The following TADA1 variants were observed in gnomAD, a reference collection of about 807,000 sequenced individuals.
The protein encoded by TADA1 is transcriptional adaptor 1, also known as transcriptional adapter 1.
Under a neutral mutation model 39.3 loss-of-function variants are expected in TADA1, and 23 were observed. That is an observed-to-expected ratio of 0.58 (90% CI 0.42 to 0.83). The LOEUF (loss-of-function observed/expected upper bound fraction) is 0.83. Ranked by LOEUF, TADA1 falls within the 40% of genes least tolerant of loss-of-function variation. The pLI is 0.00. For synonymous variants in TADA1, 137 were observed against 151.8 expected (o/e 0.90, Z 0.72); for missense variants, 352 against 408.1 (o/e 0.86, Z 1.18).
chr1:166,861,326 G>A lies in TADA1; in HGVS notation c.540+877C>T, dbSNP rs59945172. Among the ~76,000 whole-genome samples, 988 of 152,224 alleles carry A rather than the reference G, an allele frequency of 6.5e-3. 14 individuals carry two copies. Among genetic ancestry groups the A allele is most frequent in the African/African-American group, 0.022 (909 of 41,526 alleles). ...TTGTACTATTTAAATTGGTTTGCAC[G>A]CAGAATTCATTTAATGTTTATAACT... On this transcript the variant is annotated intron_variant, in intron 5 of 7. Coordinates refer to ENST00000367874, the MANE Select transcript of TADA1 (RefSeq NM_053053.4).
At chr1:166,869,711 A>C in intron 2 of TADA1, 52 bp downstream of exon 2, 1 of 1,570,476 alleles carries the variant, frequency 6.4e-7, no homozygotes, top group South Asian at 1.1e-5. Context: ...CTTTACTACA[A>C]ATCTAGGAAA....
chr1:166,860,527 A>G (rs1658381890), intron 5 of TADA1, among the ~76,000 whole-genome samples, 190 bp from the exon 6 acceptor site: 1 of 152,238 alleles, frequency 6.6e-6, no homozygotes, highest in African/African-American at 2.4e-5. Flanking sequence ...GGTATGGGAA[A>G]GAGGGGGACA....
At chr1:166,876,072 A>T in intron 1 of TADA1, 88 bp downstream of exon 1, 1 of 1,314,970 alleles carries the variant, frequency 7.6e-7, no homozygotes, top group Non-Finnish European at 1.0e-6. Context: ...CCCCCGGGCG[A>T]CGCGGGCGTC....
Position 166,857,498 on chromosome 1 carries a change from G to T in TADA1, c.*69C>A. 1 of 1,571,218 alleles carries T rather than the reference G, an allele frequency of 6.4e-7. No homozygotes were observed. Among genetic ancestry groups the T allele is most frequent in the South Asian group, 1.2e-5 (1 of 86,910 alleles). ...CTATACACTTCAGCCTTGAAATGTG[G>T]ACCCAAAAAACATTCAATTTTCAGT... On this transcript the variant is annotated 3_prime_UTR_variant, in exon 8 of 8. Coordinates refer to ENST00000367874, the MANE Select transcript of TADA1 (RefSeq NM_053053.4).
At chr1:166,868,946 T>A (rs1658596521) in intron 3 of TADA1, 1 of 197,944 alleles carries the variant, frequency 5.1e-6, no homozygotes, top group African/African-American at 2.4e-5. Flanking sequence ...TCCTTCCTTC[T>A]GGGTGTTAGA....
intron 3 of TADA1, among the ~76,000 whole-genome samples, chr1:166,865,262 C>T (rs553879064): frequency 6.6e-6 from 1 of 152,154 alleles, no homozygotes; most frequent in East Asian, 1.9e-4. Flanking sequence ...TTCAGGAAAT[C>T]TCAAACACAG....
intron 4 of TADA1, 175 bp from the exon 5 acceptor site, chr1:166,862,587 A>T: frequency 3.3e-6 from 2 of 611,314 alleles, no homozygotes; most frequent in Non-Finnish European, 5.8e-6. Context: ...CACATCCAAT[A>T]CAAGGTAATA....
chr1:166,875,691 G>A lies in TADA1; in HGVS notation c.74+469C>T, dbSNP rs1182352433. 3.3e-5 allele frequency among the ~76,000 whole-genome samples: 5 copies of A among 152,382 alleles called. No individual in the cohort carries two copies. In the South Asian group the frequency reaches 8.3e-4, roughly 25 times the overall value. The stretch of plus-strand genomic sequence containing the variant: ...GCCTTACGAAATTGCTGTCAAAAGA[G>A]CTTACCAATAATCCGTAGCAGATCA... On this transcript the variant is annotated intron_variant, in intron 1 of 7. Coordinates refer to ENST00000367874, the MANE Select transcript of TADA1 (RefSeq NM_053053.4).
intron 6 of TADA1, 107 bp downstream of exon 6, chr1:166,860,079 G>T: frequency 9.1e-7 from 1 of 1,098,698 alleles, no homozygotes; most frequent in East Asian, 2.6e-5. Context: ...TCCTATTAAA[G>T]GTACTTAAAC....
At chr1:166,869,275 TTAA>T in intron 3 of TADA1, 167 bp downstream of exon 3, 1 of 535,720 alleles carries the variant, frequency 1.9e-6, no homozygotes, top group Non-Finnish European at 3.3e-6. Context: ...AGTTTCTGCT[TTAA>T]AAAAAAAAAA....
At chr1:166,875,087 A>G (rs558388511) in intron 1 of TADA1, among the ~76,000 whole-genome samples, 6 of 152,358 alleles carry the variant, frequency 3.9e-5, no homozygotes, top group South Asian at 4.1e-4. Flanking sequence ...CTCCACCAAC[A>G]TCATTTAAAA....
At chr1:166,858,899 T>TA in intron 6 of TADA1, among the ~76,000 whole-genome samples, 1 of 152,160 alleles carries the variant, frequency 6.6e-6, no homozygotes, top group East Asian at 1.9e-4. Flanking sequence ...GCAGCCCTGT[T>TA]AGAGTAACAA....
At chr1:166,862,466 C>G in intron 4 of TADA1, 54 bp from the exon 5 acceptor site, 2 of 1,432,146 alleles carry the variant, frequency 1.4e-6, no homozygotes, top group South Asian at 1.2e-5. Flanking sequence ...AAACAAGACA[C>G]AAAGTAAACT....
In TADA1 at chr1:166,876,129, G is replaced by A. The variant is rs780627675; in HGVS notation, c.74+31C>T. ...GAGGCCAGGAGAGCACCCGCGTGTT[G>A]GCCTGGACGCTGTGCTAGGGCAGCT... On this transcript the variant is annotated intron_variant, in intron 1 of 7. Transcript: ENST00000367874. 1.6e-5 allele frequency: 25 copies of A among 1,599,042 alleles called. 1 individual carries two copies. In the South Asian group the frequency reaches 2.8e-4, roughly 18 times the overall value.
chr1:166,870,637 G>A (rs1658637318), intron 1 of TADA1, among the ~76,000 whole-genome samples: 1 of 152,158 alleles, frequency 6.6e-6, no homozygotes, highest in Non-Finnish European at 1.5e-5. Flanking sequence ...AGATTAGCCT[G>A]GGCAACATGG....
intron 1 of TADA1, 45 bp downstream of exon 1, chr1:166,876,115 A>C: frequency 6.4e-7 from 1 of 1,570,294 alleles, no homozygotes. Flanking sequence ...AGGCCAGGAG[A>C]GCACCCGCGT....
At chr1:166,872,265 T>C (rs1658675976) in intron 1 of TADA1, among the ~76,000 whole-genome samples, 3 of 152,198 alleles carry the variant, frequency 2.0e-5, no homozygotes, top group Non-Finnish European at 4.4e-5. Context: ...TTATCTTTCC[T>C]GGTGGTAATG....
chr1:166,862,140 T>C, intron 5 of TADA1, 63 bp downstream of exon 5: 1 of 1,503,716 alleles, frequency 6.7e-7, no homozygotes, highest in Non-Finnish European at 9.2e-7. Flanking sequence ...ATACCGACTT[T>C]AAACAACACA....
At position 166,857,651 on chromosome 1, in the gene TADA1, G is replaced by A; in HGVS notation, c.924C>T (p.Leu308=). Residue 308 remains leucine (L), a synonymous_variant, in exon 8 of 8, where the codon CTC becomes CTT. Transcript: ENST00000367874. The part of the protein sequence containing the change: ...ALNIERIITK[L]WHPNHEELQQ... ...GCAGCTCTTCATGATTTGGATGCCAGAGTTTCGTGATGATCCTTTCAATGT... is the reference window on the plus strand; with the variant it reads ...GCAGCTCTTCATGATTTGGATGCCAAAGTTTCGTGATGATCCTTTCAATGT... 1 of 1,614,206 alleles carries A rather than the reference G, an allele frequency of 6.2e-7. No individual in the cohort carries two copies. The highest frequency in any genetic ancestry group is 8.5e-7 in the Non-Finnish European group (1 of 1,180,038).
Sources: gnomAD v4.1 joint callset for allele counts (sites outside exome capture counted in the v4.1 genomes callset) on GRCh38, gnomAD v4.1.1 for gene constraint, MANE v1.5 for transcripts, NCBI Gene and HGNC (gene_info 2026-07-23, HGNC 2026-07-21) for gene names.